Variants in NCOA3 observed in about 807,000 individuals in gnomAD.
NCOA3 encodes nuclear receptor coactivator 3, also known as CBP-interacting protein.
NCOA3 carries 51 observed loss-of-function variants against 158.8 expected under a neutral mutation model. The observed-to-expected ratio is 0.32, with a 90% CI of 0.26 to 0.41. NCOA3 has a LOEUF of 0.41. NCOA3 is among the 10% of genes least tolerant of loss of function. NCOA3 has a pLI of 1.00. For missense variants in NCOA3, 1,510 were observed against 1,746.6 expected (o/e 0.86, Z 2.41); for synonymous variants, 537 against 592.4 (o/e 0.91, Z 1.36).
chr20:47,654,989 T>G lies in NCOA3; in HGVS notation c.*1572T>G, dbSNP rs1381714938. On this transcript the variant is annotated 3_prime_UTR_variant, in exon 23 of 23. Transcript: ENST00000371998. ...ATCTCGAGTAGAATCCTTGGTGTGG[T>G]TTCTGGTGTCTGCTCAGCTGTCCCC... 1 of 152,116 alleles carries G rather than the reference T, an allele frequency of 6.6e-6. No individual in the cohort carries two copies. Among genetic ancestry groups the G allele is most frequent in the Non-Finnish European group, 1.5e-5 (1 of 68,008 alleles). 9.4% of individuals were successfully genotyped at this position (152,116 alleles called of 1,614,324 possible). A position where few individuals can be genotyped will look rare whatever the true frequency, so the allele number is the denominator to read the frequency against.
intron 2 of NCOA3, among the ~76,000 whole-genome samples, chr20:47,609,157 A>G (rs1479992925): frequency 6.6e-6 from 1 of 152,210 alleles, no homozygotes; most frequent in Non-Finnish European, 1.5e-5. Flanking sequence ...TCTACTTACT[A>G]GTTTGTTAAT....
Position 47,624,065 on chromosome 20 carries a change from C to A in NCOA3, c.238C>A (p.Arg80Ser). ...TTTAAAGGAAACAGTAAGACAGATA[C>A]GTCAAATAAAAGAGCAAGGTAATAA... Reference protein sequence around the residue: ...AILKETVRQIRQIKEQGKTIS... With the variant: ...AILKETVRQISQIKEQGKTIS... The change falls in exon 4 of 23, where the codon CGT (arginine) becomes AGT (serine). Residue 80 changes from arginine to serine, a missense_variant. Around this residue, in one of 4 missense-constraint regions of NCOA3, gnomAD observed 309 missense variants for 427.1 expected, o/e 0.72. Coordinates refer to ENST00000371998, the MANE Select transcript of NCOA3 (RefSeq NM_181659.3). 6.2e-7 allele frequency: 1 copy of A among 1,605,068 alleles called. No homozygotes were observed. The highest frequency in any genetic ancestry group is 1.7e-5 in the Admixed American group (1 of 58,062).
intron 1 of NCOA3, among the ~76,000 whole-genome samples, chr20:47,522,799 A>T (rs2084365578): frequency 6.6e-6 from 1 of 151,190 alleles, no homozygotes; most frequent in Non-Finnish European, 1.5e-5. Context: ...GTTTGGGTGG[A>T]CCCATTTTCT....
At position 47,510,468 on chromosome 20, in the gene NCOA3, T is replaced by C. The variant is rs2084102833; in HGVS notation, c.-99+8449T>C. ...AAAAAGTACACGATCATATCTAGAA[T>C]GGTAGAAGCCTTGAGTGTATGGGTT... On this transcript the variant is annotated intron_variant, in intron 1 of 22. Transcript: ENST00000371998. 2.8e-5 allele frequency among the ~76,000 whole-genome samples: 4 copies of C among 141,992 alleles called. No individual in the cohort carries two copies. The South Asian group carries it at 9.0e-4, about 32-fold the overall frequency. 93.2% of individuals were successfully genotyped at this position (141,992 alleles called of 152,430 possible). A position where few individuals can be genotyped will look rare whatever the true frequency, so the allele number is the denominator to read the frequency against.
At chr20:47,625,276 G>T in intron 4 of NCOA3, 105 bp from the exon 5 acceptor site, 1 of 697,040 alleles carries the variant, frequency 1.4e-6, no homozygotes, top group Non-Finnish European at 2.5e-6. Context: ...TGTATGTATG[G>T]GCATGTGCAT....
intron 1 of NCOA3, among the ~76,000 whole-genome samples, chr20:47,582,731 C>G (rs2085472771): frequency 6.6e-6 from 1 of 152,132 alleles, no homozygotes; most frequent in Non-Finnish European, 1.5e-5. Context: ...ACTCAAATTC[C>G]TAGGAAGAGG....
rs757419594 is a variant in NCOA3, at chr20:47,651,016, G to A, written c.3686G>A (p.Arg1229His). The A allele has an allele frequency of 5.0e-5, 81 of 1,613,952 alleles. No homozygotes were observed. The highest frequency in any genetic ancestry group is 6.7e-5 in the Non-Finnish European group (79 of 1,180,004). ...CTTAATGCTCAAATGGTCGCCCAAC[G>A]CAGCAGAGAGCTGCTAAGTCATCAC... ...GFLNAQMVAQ[R>H]SRELLSHHFR... The change falls in exon 20 of 23, where the codon CGC (arginine) becomes CAC (histidine). Residue 1229 changes from arginine (R) to histidine (H), a missense_variant. Coordinates refer to ENST00000371998, the MANE Select transcript of NCOA3 (RefSeq NM_181659.3).
chr20:47,596,459 G>A (rs112606605), intron 2 of NCOA3, among the ~76,000 whole-genome samples: 1 of 152,094 alleles, frequency 6.6e-6, no homozygotes, highest in Non-Finnish European at 1.5e-5. Flanking sequence ...GAACAACGTT[G>A]CAATGATCAT....
At chr20:47,567,211 C>T (rs918062954) in intron 1 of NCOA3, among the ~76,000 whole-genome samples, 13 of 151,680 alleles carry the variant, frequency 8.6e-5, no homozygotes, top group Admixed American at 7.2e-4. Flanking sequence ...CCACACCCAG[C>T]TAATTTTTGT....
At chr20:47,601,680 G>T (rs1414691035) in intron 2 of NCOA3, among the ~76,000 whole-genome samples, 1 of 152,168 alleles carries the variant, frequency 6.6e-6, no homozygotes, top group Non-Finnish European at 1.5e-5. Context: ...TCTAATTGGA[G>T]TATGCTTTTG....
chr20:47,642,300 G>A lies in NCOA3; in HGVS notation c.3168G>A (p.Gln1056=). Residue 1056 remains glutamine (Q), a synonymous_variant, in exon 17 of 23, where the codon CAG becomes CAA. Transcript: ENST00000371998. ...GQSDERALLD[Q]LHTLLSNTDA... ...GTGACGAAAGAGCATTATTGGACCAGCTGCACACTCTTCTCAGCAACACAG... is the reference window on the plus strand; with the variant it reads ...GTGACGAAAGAGCATTATTGGACCAACTGCACACTCTTCTCAGCAACACAG... 1 of 1,613,776 alleles carries A rather than the reference G, an allele frequency of 6.2e-7. No individual in the cohort carries two copies. Among genetic ancestry groups the A allele is most frequent in the Admixed American group, 1.7e-5 (1 of 59,882 alleles).
chr20:47,625,295 T>A (rs1366577398), intron 4 of NCOA3, 86 bp from the exon 5 acceptor site: 1 of 847,972 alleles, frequency 1.2e-6, no homozygotes, highest in Non-Finnish European at 2.0e-6. Flanking sequence ...ATGTGTATCT[T>A]TATGTCTCTT....
intron 1 of NCOA3, among the ~76,000 whole-genome samples, chr20:47,550,865 A>G (rs890303516): frequency 1.3e-5 from 2 of 152,208 alleles, no homozygotes; most frequent in African/African-American, 4.8e-5. Flanking sequence ...ATTTTTATGT[A>G]TATATTACCC....
chr20:47,629,089 A>C (rs1481607433), intron 8 of NCOA3, among the ~76,000 whole-genome samples: 2 of 152,206 alleles, frequency 1.3e-5, no homozygotes, highest in African/African-American at 4.8e-5. Flanking sequence ...AAAATGGAGT[A>C]GGTATACATA....
At chr20:47,541,744 T>C (rs917802980) in intron 1 of NCOA3, among the ~76,000 whole-genome samples, 2 of 151,748 alleles carry the variant, frequency 1.3e-5, no homozygotes, top group Non-Finnish European at 2.9e-5. Context: ...TCCTTAAGTA[T>C]CTATAAAAGA....
intron 1 of NCOA3, among the ~76,000 whole-genome samples, chr20:47,566,032 C>T (rs1370591546): frequency 6.6e-6 from 1 of 151,390 alleles, no homozygotes; most frequent in Non-Finnish European, 1.5e-5. Context: ...GGAGTGCAGT[C>T]GCACGATCTT....
intron 1 of NCOA3, among the ~76,000 whole-genome samples, chr20:47,556,780 A>C (rs550001294): frequency 1.3e-5 from 2 of 152,338 alleles, no homozygotes; most frequent in East Asian, 3.9e-4. Flanking sequence ...AGCCCAGGAA[A>C]GCATTACAGT....
In NCOA3 at chr20:47,634,097, T is replaced by C. The variant is rs2086467219; in HGVS notation, c.1014T>C (p.Ala338=). ...CCCCAGTATATCGATTCTCGTTGGC[T>C]GATGGAACTATAGTGACTGCACAGA... ...AETPVYRFSL[A]DGTIVTAQTK... The change falls in exon 10 of 23, where the codon GCT becomes GCC. Residue 338 remains alanine (A), a synonymous_variant. Coordinates refer to ENST00000371998, the MANE Select transcript of NCOA3 (RefSeq NM_181659.3). 6.2e-7 allele frequency: 1 copy of C among 1,614,180 alleles called. No individual in the cohort carries two copies. Among genetic ancestry groups the C allele is most frequent in the South Asian group, 1.1e-5 (1 of 91,086 alleles).
intron 2 of NCOA3, among the ~76,000 whole-genome samples, chr20:47,605,035 TC>T (rs2085922868): frequency 6.6e-6 from 1 of 152,102 alleles, no homozygotes; most frequent in Non-Finnish European, 1.5e-5. Flanking sequence ...CCCCGGCCAA[TC>T]TTTGTATTTT....
Sources: gnomAD v4.1 joint callset for allele counts (sites outside exome capture counted in the v4.1 genomes callset) on GRCh38, gnomAD v4.1.1 for gene constraint, gnomAD v4.1.1 regional missense constraint, MANE v1.5 for transcripts, NCBI Gene and HGNC (gene_info 2026-07-23, HGNC 2026-07-21) for gene names.